Variants in PRKCE observed in about 807,000 individuals in gnomAD.
PRKCE encodes the protein protein kinase C epsilon.
PRKCE carries 16 observed loss-of-function variants against 85.4 expected under a neutral mutation model. That is an observed-to-expected ratio of 0.19 (90% CI 0.13 to 0.28). The LOEUF (loss-of-function observed/expected upper bound fraction) is 0.28, where lower values mean the gene tolerates loss of function less well. Among genes scored for constraint, PRKCE ranks in the 10% least tolerant of loss-of-function variants. PRKCE has a pLI of 1.00. For missense variants in PRKCE, 573 were observed against 975.2 expected, an observed-to-expected ratio of 0.59 and a Z score of 5.49; for synonymous variants, 388 against 371.5, an observed-to-expected ratio of 1.04 and a Z score of -0.51.
intron 1 of PRKCE, among the ~76,000 whole-genome samples, chr2:45,659,895 A>G (rs1675559729): frequency 8.7e-6 from 1 of 114,502 alleles, no homozygotes; most frequent in African/African-American, 3.4e-5. Flanking sequence ...TAGTTTTCTT[A>G]TTTATCTTTG....
intron 1 of PRKCE, among the ~76,000 whole-genome samples, chr2:45,715,631 T>C (rs1221327987): frequency 6.6e-6 from 1 of 152,196 alleles, no homozygotes; most frequent in Non-Finnish European, 1.5e-5. Context: ...TAGTCTATTC[T>C]AAGGTGTCAA....
At chr2:45,778,876 AGTTCT>A (rs1685964594) in intron 1 of PRKCE, among the ~76,000 whole-genome samples, 2 of 152,216 alleles carry the variant, frequency 1.3e-5, no homozygotes, top group South Asian at 4.1e-4. Context: ...ACTAATGGGC[AGTTCT>A]GAGCTCAGTG....
chr2:46,095,987 C>G (rs1204466647), intron 11 of PRKCE, among the ~76,000 whole-genome samples: 1 of 152,214 alleles, frequency 6.6e-6, no homozygotes, highest in Non-Finnish European at 1.5e-5. Context: ...ACTGGATTTA[C>G]AACCTTTCCA....
chr2:45,824,729 T>C (rs1355950849), intron 1 of PRKCE, among the ~76,000 whole-genome samples: 3 of 152,154 alleles, frequency 2.0e-5, no homozygotes, highest in African/African-American at 7.2e-5. Flanking sequence ...TTGTGACCCA[T>C]GAGCAATTTT....
chr2:45,893,492 T>G lies in PRKCE; in HGVS notation c.412+50429T>G, dbSNP rs1168760017. On this transcript the variant is annotated intron_variant, in intron 2 of 14. Coordinates refer to ENST00000306156, the MANE Select transcript of PRKCE (RefSeq NM_005400.3). ...AGGCAATTCTCCTGCCTCAGCCTCC[T>G]GAGTAGCTGGGATTACAGGCACCCG... Among the ~76,000 whole-genome samples, 8 of 151,976 alleles carry G rather than the reference T, an allele frequency of 5.3e-5. 1 individual carries two copies. The highest frequency in any genetic ancestry group is 1.9e-4 in the African/African-American group (8 of 41,474).
chr2:45,836,743 T>A (rs553272921), intron 1 of PRKCE, among the ~76,000 whole-genome samples: 2 of 152,082 alleles, frequency 1.3e-5, no homozygotes, highest in Non-Finnish European at 2.9e-5. Context: ...CTCTCCACCC[T>A]CCTCCAAGTA....
At chr2:46,084,787 G>A (rs887726723) in intron 10 of PRKCE, among the ~76,000 whole-genome samples, 5 of 148,860 alleles carry the variant, frequency 3.4e-5, no homozygotes, top group African/African-American at 1.2e-4. Flanking sequence ...CATTTACTTC[G>A]CTAACCTTCC....
chr2:45,923,064 C>A (rs965201037), intron 2 of PRKCE, among the ~76,000 whole-genome samples: 1 of 152,196 alleles, frequency 6.6e-6, no homozygotes, highest in Admixed American at 6.5e-5. Context: ...ATACTGAACC[C>A]TTGTGCTTAT....
chr2:46,010,836 A>C, intron 10 of PRKCE: 1 of 1,548,224 alleles, frequency 6.5e-7, no homozygotes, highest in Non-Finnish European at 8.7e-7. Context: ...CTCTGCTCCT[A>C]ACTTTCTATC....
At chr2:45,692,068 G>C (rs925112320) in intron 1 of PRKCE, among the ~76,000 whole-genome samples, 3 of 152,116 alleles carry the variant, frequency 2.0e-5, no homozygotes, top group Non-Finnish European at 4.4e-5. Context: ...AAGTTTCTTG[G>C]TGTGGATGGT....
rs1705698486 is a variant in PRKCE at position 46,011,770 on chromosome 2, A to T, written c.1437+1253A>T. On this transcript the variant is annotated intron_variant, in intron 10 of 14. Transcript: ENST00000306156. ...TCCCAGGGTCCCCCATCTCTCTCTT[A>T]CACACACATACACATGCACCCACAC... Among the ~76,000 whole-genome samples, 2 of 151,812 alleles carry T rather than the reference A, an allele frequency of 1.3e-5. 1 individual carries two copies. Among genetic ancestry groups the T allele is most frequent in the Non-Finnish European group, 2.9e-5 (2 of 67,822 alleles).
chr2:45,889,903 C>T (rs954179146), intron 2 of PRKCE, among the ~76,000 whole-genome samples: 1 of 152,188 alleles, frequency 6.6e-6, no homozygotes, highest in East Asian at 1.9e-4. Context: ...GAGTCACTAC[C>T]CCTTCGCTCT....
intron 10 of PRKCE, among the ~76,000 whole-genome samples, chr2:46,044,795 C>T (rs1052922866): frequency 1.3e-5 from 2 of 152,130 alleles, no homozygotes; most frequent in African/African-American, 4.8e-5. Flanking sequence ...TCTGGATGAG[C>T]CCAGTATTGG....
intron 2 of PRKCE, among the ~76,000 whole-genome samples, chr2:45,943,437 C>G (rs1573969342): frequency 6.6e-6 from 1 of 152,340 alleles, no homozygotes; most frequent in Non-Finnish European, 1.5e-5. Flanking sequence ...GCCCCTCTAG[C>G]CGGGGCTTAG....
At chr2:45,986,209 G>C (rs1703310133) in intron 6 of PRKCE, among the ~76,000 whole-genome samples, 1 of 152,238 alleles carries the variant, frequency 6.6e-6, no homozygotes, top group African/African-American at 2.4e-5. Context: ...CGAAACATGG[G>C]GTTGGATTTA....
In PRKCE at chr2:46,046,989, T is replaced by C. The variant is rs118186050; in HGVS notation, c.1437+36472T>C. 1.1e-3 allele frequency among the ~76,000 whole-genome samples: 165 copies of C among 152,252 alleles called. 2 individuals carry two copies. The East Asian group carries it at 0.03, about 28-fold the overall frequency. ...GGAGGACACTGGGCTTTCCTCAACT[T>C]AGTGGGGAAGGCCATGATCAGCCTG... On this transcript the variant is annotated intron_variant, in intron 10 of 14. Transcript: ENST00000306156.
chr2:46,115,454 C>T (rs1005271626), intron 11 of PRKCE, among the ~76,000 whole-genome samples: 1 of 152,196 alleles, frequency 6.6e-6, no homozygotes, highest in Admixed American at 6.5e-5. Context: ...TTTGAGCCAC[C>T]AAACACATGG....
chr2:45,738,710 T>C (rs1413446066), intron 1 of PRKCE, among the ~76,000 whole-genome samples: 1 of 152,240 alleles, frequency 6.6e-6, no homozygotes, highest in Non-Finnish European at 1.5e-5. Context: ...TCTGAGATGT[T>C]TGATTGTCAT....
At chr2:45,848,745 G>A (rs1244815722) in intron 2 of PRKCE, among the ~76,000 whole-genome samples, 11 of 152,202 alleles carry the variant, frequency 7.2e-5, no homozygotes, top group Non-Finnish European at 1.6e-4. Context: ...CAAGGAGCTT[G>A]CAATTCAATT....
Sources: allele counts gnomAD v4.1 joint callset (sites outside exome capture counted in the v4.1 genomes callset), GRCh38; gene constraint gnomAD v4.1.1; transcripts MANE v1.5; gene names NCBI Gene and HGNC (gene_info 2026-07-23, HGNC 2026-07-21).